Variants in LRIF1 observed in about 807,000 individuals in gnomAD.
The protein encoded by LRIF1 is ligand-dependent nuclear receptor-interacting factor 1.
LRIF1 carries 32 observed loss-of-function variants against 52.7 expected under a neutral mutation model. The ratio of observed to expected loss-of-function variants is 0.61; its 90% CI spans 0.46 to 0.82. The LOEUF is 0.82. LRIF1 is among the 40% of genes least tolerant of loss of function. The pLI is 0.00. For missense variants in LRIF1, 887 were observed against 892.0 expected, an observed-to-expected ratio of 0.99 and a Z score of 0.07; for synonymous variants, 323 against 317.4, an observed-to-expected ratio of 1.02 and a Z score of -0.19.
chr1:110,962,555 A>C lies in LRIF1; in HGVS notation c.68+1066T>G, dbSNP rs375321860. On this transcript the variant is annotated intron_variant, in intron 1 of 3. Transcript: ENST00000369763. ...TGTACAGAATTAAAGTTGTATGCTT[A>C]TAATAGTAATAGTTAACATTTAAAT... is the stretch of plus-strand genomic sequence containing the variant. 3.9e-5 allele frequency among the ~76,000 whole-genome samples: 6 copies of C among 152,018 alleles called. No homozygotes were observed. The South Asian group carries it at 1.2e-3, about 32-fold the overall frequency.
the LRIF1 span, among the ~76,000 whole-genome samples, chr1:110,929,230 A>ATG: frequency 6.6e-6 from 1 of 152,170 alleles, no homozygotes; most frequent in Non-Finnish European, 1.5e-5. Context: ...GAACATACAT[A>ATG]TGCATGTGTC....
the LRIF1 span, among the ~76,000 whole-genome samples, chr1:110,878,853 C>A: frequency 6.6e-6 from 1 of 152,174 alleles, no homozygotes; most frequent in Non-Finnish European, 1.5e-5. Context: ...TCAATCTTAG[C>A]ATACAAAGGT....
chr1:110,950,936 T>C (rs1229980236), intron 2 of LRIF1, among the ~76,000 whole-genome samples: 1 of 152,180 alleles, frequency 6.6e-6, no homozygotes, highest in African/African-American at 2.4e-5. Flanking sequence ...CATACATATA[T>C]ACATGTATGT....
rs755363767 is a variant in LRIF1 at position 110,963,764 on chromosome 1, C to A, written c.-76G>T. 5.0e-6 allele frequency: 6 copies of A among 1,208,554 alleles called. 1 individual carries two copies. Among genetic ancestry groups the A allele is most frequent in the Non-Finnish European group, 4.8e-6 (4 of 840,234 alleles). 74.9% of individuals were successfully genotyped at this position (1,208,554 alleles called of 1,614,324 possible). On this transcript the variant is annotated 5_prime_UTR_variant, in exon 1 of 4. Coordinates refer to ENST00000369763, the MANE Select transcript of LRIF1 (RefSeq NM_018372.4). ...GCCGAGTTTCCCAATGGGGCGAGAA[C>A]CAGAGCGAGGGAATGTTGGGCTGGA...
chr1:110,949,932 A>T lies in LRIF1; in HGVS notation c.1788T>A (p.Gly596=), dbSNP rs1385284071. The change falls in exon 3 of 4, where the codon GGT becomes GGA. Residue 596 remains glycine, a synonymous_variant. Transcript: ENST00000369763. ...RIPDHLTSGE[G]FDSFSSLVKS... is the part of the protein sequence containing the mutation. ...TTACCAAACTGCTAAAGGAATCGAA[A>T]CCTTCTCCAGAGGTCAAATGGTCAG... 1 of 1,613,938 alleles carries T rather than the reference A, an allele frequency of 6.2e-7. No homozygotes were observed. The highest frequency in any genetic ancestry group is 8.5e-7 in the Non-Finnish European group (1 of 1,180,010).
chr1:110,898,848 A>G, the LRIF1 span, among the ~76,000 whole-genome samples: 1 of 152,126 alleles, frequency 6.6e-6, no homozygotes, highest in Non-Finnish European at 1.5e-5. Context: ...GCAGAATATG[A>G]CCATCCTAGC....
At chr1:110,899,220 G>T in the LRIF1 span, 4 of 1,552,158 alleles carry the variant, frequency 2.6e-6, no homozygotes, top group African/African-American at 1.4e-5. Flanking sequence ...GTGGTGAAGA[G>T]ACTTGTTTCA....
chr1:110,920,966 C>A, the LRIF1 span, among the ~76,000 whole-genome samples: 1 of 151,856 alleles, frequency 6.6e-6, no homozygotes, highest in African/African-American at 2.4e-5. Context: ...ATACTTCAGG[C>A]AAAGGGAAAG....
In LRIF1 at chr1:110,951,592, T is replaced by G; in HGVS notation, c.1292A>C (p.Asn431Thr). ...SSQMETKSLSNTQLASMANLR... is the reference protein window; with the variant it reads ...SSQMETKSLSTTQLASMANLR... ...ATTGGCCATGGAAGCAAGCTGGGTA[T>G]TGGAAAGTGATTTTGTCTCCATCTG... is the stretch of plus-strand genomic sequence containing the variant. Residue 431 changes from asparagine to threonine, a missense_variant, in exon 2 of 4, where the codon AAT becomes ACT. Asn to Thr is a moderately conservative substitution (Grantham distance 65). Transcript: ENST00000369763. The G allele has an allele frequency of 1.9e-6, 3 of 1,614,134 alleles. No homozygotes were observed. Among genetic ancestry groups the G allele is most frequent in the Non-Finnish European group, 2.5e-6 (3 of 1,180,018 alleles).
At chr1:110,909,314 A>G in the LRIF1 span, among the ~76,000 whole-genome samples, 2 of 152,208 alleles carry the variant, frequency 1.3e-5, no homozygotes, top group East Asian at 1.9e-4. Flanking sequence ...AAGGAACTAT[A>G]CAATCAAGTC....
chr1:110,928,607 G>A, the LRIF1 span, among the ~76,000 whole-genome samples: 4 of 152,178 alleles, frequency 2.6e-5, no homozygotes, highest in African/African-American at 9.6e-5. Flanking sequence ...AGCGCTGTAG[G>A]AAAAAATGTT....
chr1:110,924,910 T>C, the LRIF1 span, among the ~76,000 whole-genome samples: 1 of 152,334 alleles, frequency 6.6e-6, no homozygotes, highest in Admixed American at 6.5e-5. Context: ...TAATTCATCA[T>C]ATTAATCAAA....
chr1:110,955,748 T>G (rs750962275), intron 1 of LRIF1, among the ~76,000 whole-genome samples: 2 of 152,210 alleles, frequency 1.3e-5, no homozygotes, highest in African/African-American at 2.4e-5. Flanking sequence ...AGAGAACGAC[T>G]GGCAGGAAGC....
At chr1:110,917,645 TTTG>T in the LRIF1 span, among the ~76,000 whole-genome samples, 19,300 of 70,122 alleles carry the variant, frequency 0.28, 1,451 homozygotes, top group East Asian at 0.5. Flanking sequence ...TTTTTTTGTT[TTTG>T]TTTTTTTTTT....
At chr1:110,931,732 C>A in the LRIF1 span, among the ~76,000 whole-genome samples, 1 of 152,124 alleles carries the variant, frequency 6.6e-6, no homozygotes, top group Non-Finnish European at 1.5e-5. Context: ...TCTCTGATGA[C>A]CAATGATGAT....
chr1:110,910,292 C>CAAAAAA, the LRIF1 span, among the ~76,000 whole-genome samples: 1 of 134,480 alleles, frequency 7.4e-6, no homozygotes, highest in African/African-American at 2.7e-5. Flanking sequence ...AAGCAATTCT[C>CAAAAAA]AAAAAAAAAA....
the LRIF1 span, among the ~76,000 whole-genome samples, chr1:110,919,649 C>T: frequency 6.6e-6 from 1 of 152,130 alleles, no homozygotes; most frequent in East Asian, 1.9e-4. Context: ...TTTCTGGAGG[C>T]TAAAATCAGT....
intron 1 of LRIF1, among the ~76,000 whole-genome samples, chr1:110,958,721 G>A (rs1658822470): frequency 6.6e-6 from 1 of 152,156 alleles, no homozygotes; most frequent in South Asian, 2.1e-4. Context: ...ATCAGTGAGA[G>A]TCACATAATC....
At chr1:110,879,225 A>T in the LRIF1 span, among the ~76,000 whole-genome samples, 1 of 152,172 alleles carries the variant, frequency 6.6e-6, no homozygotes, top group East Asian at 1.9e-4. Flanking sequence ...AGGCAGATAC[A>T]CAGGGACTGA....
Sources: allele counts gnomAD v4.1 joint callset (sites outside exome capture counted in the v4.1 genomes callset), GRCh38; gene constraint gnomAD v4.1.1; transcripts MANE v1.5; gene names NCBI Gene and HGNC (gene_info 2026-07-23, HGNC 2026-07-21).